The following TENM1 variants were observed in gnomAD, a reference collection of about 807,000 sequenced individuals.
The protein encoded by TENM1 is teneurin-1.
In TENM1, 35 loss-of-function variants were observed where a neutral mutation model predicts 174.8. The observed-to-expected ratio is 0.20, with a 90% confidence interval of 0.15 to 0.27. TENM1 has a LOEUF of 0.27. Ranked by LOEUF, TENM1 falls within the 10% of genes least tolerant of loss-of-function variation. The pLI, the probability that TENM1 is intolerant of heterozygous loss-of-function variation, is 1.00. For synonymous variants in TENM1, 781 were observed against 798.7 expected (o/e 0.98, Z 0.37); for missense variants, 1,633 against 2,130.1 (o/e 0.77, Z 4.59).
chrX:124,821,040 T>C (rs140610229), intron 3 of TENM1, among the ~76,000 whole-genome samples: 32 of 112,636 alleles, frequency 2.8e-4, no homozygotes, highest in Non-Finnish European at 6.0e-4. Flanking sequence ...ATTTCATAAA[T>C]ATGCTCTTAT....
At chrX:124,550,967 C>T (rs1218372693) in intron 14 of TENM1, among the ~76,000 whole-genome samples, 3 of 111,692 alleles carry the variant, frequency 2.7e-5, no homozygotes, top group African/African-American at 9.8e-5. Context: ...ACCATGTTGG[C>T]CAGGCTGGTC....
At chrX:124,446,595 A>G (rs1317792816) in intron 23 of TENM1, among the ~76,000 whole-genome samples, 1 of 112,753 alleles carries the variant, frequency 8.9e-6, no homozygotes, top group African/African-American at 3.2e-5. Context: ...ATTCTCTCAT[A>G]TCACTTTCTA....
Position 124,752,263 on chromosome X carries a change from T to A in TENM1, c.536-15066A>T, listed in dbSNP as rs748457666. On this transcript the variant is annotated intron_variant, in intron 3 of 31. Coordinates refer to ENST00000422452, the Ensembl canonical transcript of TENM1. ...GCCAGTGATGGTGAGCATTTTTTCA[T>A]GTGTCTTTTGGCTGCATAAATGTCT... Among the ~76,000 whole-genome samples, 16 of 112,003 alleles carry A rather than the reference T, an allele frequency of 1.4e-4. 1 individual carries two copies. The South Asian group carries it at 6.0e-3, about 42-fold the overall frequency.
At chrX:124,754,165 G>T (rs1283626646) in intron 3 of TENM1, among the ~76,000 whole-genome samples, 11 of 111,267 alleles carry the variant, frequency 9.9e-5, no homozygotes, top group African/African-American at 2.6e-4. Flanking sequence ...CAATTTCAGA[G>T]CCTGTTATTG....
At position 124,633,061 on chromosome X, in the gene TENM1, A is replaced by G. The variant is rs1054159380; in HGVS notation, c.2077+8730T>C. On this transcript the variant is annotated intron_variant, in intron 11 of 31. Transcript: ENST00000422452. Reference sequence around the variant, plus strand: ...CATAGGATCTCTCATATACAGGGACAGACACACCTTGTAAATACTTCCTTT... The same window carrying G: ...CATAGGATCTCTCATATACAGGGACGGACACACCTTGTAAATACTTCCTTT... 3.6e-5 allele frequency among the ~76,000 whole-genome samples: 4 copies of G among 112,342 alleles called. No individual in the cohort carries two copies. The Admixed American group carries it at 3.8e-4, about 11-fold the overall frequency.
chrX:124,977,969 A>T, the TENM1 span, among the ~76,000 whole-genome samples: 1,455 of 15,183 alleles, frequency 0.096, 32 homozygotes, highest in African/African-American at 0.24. Context: ...TGTGTGTGTG[A>T]GAGAGAGAGA....
chrX:124,694,053 C>A (rs2052592905), intron 5 of TENM1, among the ~76,000 whole-genome samples: 1 of 110,925 alleles, frequency 9.0e-6, no homozygotes, highest in South Asian at 3.8e-4. Flanking sequence ...TGAAATTATA[C>A]CTCTTGCTTT....
At chrX:124,400,423 C>T (rs922208769) in intron 27 of TENM1, among the ~76,000 whole-genome samples, 6 of 111,884 alleles carry the variant, frequency 5.4e-5, no homozygotes, top group Admixed American at 9.5e-5. Context: ...TGAACACTCA[C>T]GTTTCATTTA....
At chrX:124,435,213 T>C (rs1460772716) in intron 23 of TENM1, among the ~76,000 whole-genome samples, 2 of 111,864 alleles carry the variant, frequency 1.8e-5, no homozygotes, top group Non-Finnish European at 3.8e-5. Context: ...CAGAGACTTA[T>C]AAAGAAGCCC....
rs758820817 is a variant in TENM1, at chrX:124,483,672, A to G, written c.3717-1708T>C. On this transcript the variant is annotated intron_variant, in intron 21 of 31. Transcript: ENST00000422452. ...TTTGTTTACTAATTCATTAAAAATC[A>G]TTTATTAAGTGCATACAATGTATCC... 4.4e-5 allele frequency among the ~76,000 whole-genome samples: 5 copies of G among 112,422 alleles called. No individual in the cohort carries two copies. The South Asian group carries it at 1.8e-3, about 41-fold the overall frequency.
the TENM1 span, among the ~76,000 whole-genome samples, chrX:125,138,973 AGTGAAATGACTTCT>A: frequency 2.7e-5 from 3 of 110,725 alleles, no homozygotes; most frequent in South Asian, 1.2e-3. Flanking sequence ...CACTTTCCAA[AGTGAAATGACTTCT>A]GTGGCTGCTT....
the TENM1 span, among the ~76,000 whole-genome samples, chrX:125,030,345 T>C: frequency 8.9e-6 from 1 of 112,220 alleles, no homozygotes; most frequent in Admixed American, 9.5e-5. Context: ...TAAATTTGTT[T>C]ACTCTGTTCT....
intron 14 of TENM1, among the ~76,000 whole-genome samples, chrX:124,553,364 G>T (rs1008717023): frequency 2.8e-5 from 3 of 108,916 alleles, no homozygotes; most frequent in Non-Finnish European, 5.7e-5. Flanking sequence ...GCCGGGCGTG[G>T]TGGTGGGCAT....
the TENM1 span, among the ~76,000 whole-genome samples, chrX:125,200,650 T>TGAGAGAGAGA: frequency 1.1e-4 from 6 of 53,910 alleles, no homozygotes; most frequent in Admixed American, 4.3e-4. Flanking sequence ...TGTGTGTGTG[T>TGAGAGAGAGA]GTGTGAGAGA....
At chrX:125,093,495 A>G in the TENM1 span, among the ~76,000 whole-genome samples, 1 of 112,268 alleles carries the variant, frequency 8.9e-6, no homozygotes, top group African/African-American at 3.2e-5. Flanking sequence ...TTAAAATAGC[A>G]AAGAGAGTCA....
chrX:125,147,415 C>A, the TENM1 span, among the ~76,000 whole-genome samples: 10 of 111,357 alleles, frequency 9.0e-5, no homozygotes, highest in African/African-American at 3.3e-4. Context: ...CACTGGTACA[C>A]ACTTCACAGG....
chrX:124,910,392 T>C (rs778375419), intron 1 of TENM1, among the ~76,000 whole-genome samples: 2 of 111,980 alleles, frequency 1.8e-5, no homozygotes, highest in East Asian at 5.6e-4. Context: ...CTTTTACACA[T>C]TTTGGAAGGA....
At chrX:124,459,707 G>A (rs1186111672) in intron 22 of TENM1, among the ~76,000 whole-genome samples, 1 of 111,483 alleles carries the variant, frequency 9.0e-6, no homozygotes, top group African/African-American at 3.3e-5. Flanking sequence ...TGAAGACACC[G>A]AAAGCAATGA....
intron 3 of TENM1, among the ~76,000 whole-genome samples, chrX:124,880,958 A>T (rs1215611267): frequency 3.6e-5 from 4 of 111,842 alleles, no homozygotes; most frequent in Non-Finnish European, 7.5e-5. Flanking sequence ...TGATTTTTGC[A>T]TGTATATTCA....
Sources: allele counts gnomAD v4.1 joint callset (sites outside exome capture counted in the v4.1 genomes callset), GRCh38; gene constraint gnomAD v4.1.1; transcripts MANE v1.5; gene names NCBI Gene and HGNC (gene_info 2026-07-23, HGNC 2026-07-21).